ZNF534: variants seen among roughly 807,000 people sequenced by gnomAD.
ZNF534 encodes zinc finger protein 534.
Under a neutral mutation model 13.6 loss-of-function variants are expected in ZNF534, and 19 were observed. The ratio of observed to expected loss-of-function variants is 1.40; its 90% confidence interval spans 0.97 to 2.05. The LOEUF (loss-of-function observed/expected upper bound fraction) is 2.05, where lower values mean the gene tolerates loss of function less well. Ranked by LOEUF, ZNF534 falls within the 30% of genes most tolerant of loss-of-function variation. ZNF534 has a pLI of 0.00. For missense variants in ZNF534, 782 were observed against 796.3 expected (o/e 0.98, Z 0.22); for synonymous variants, 244 against 273.8 (o/e 0.89, Z 1.07).
rs114503758 is a variant in ZNF534 at position 52,441,632 on chromosome 19, A to C, written c.*2186A>C. On this transcript the variant is annotated 3_prime_UTR_variant, in exon 5 of 5. Transcript: ENST00000433050. The stretch of plus-strand genomic sequence containing the variant: ...GCAGCGAATGTGACAAAGCATTTAG[A>C]TAATGTTCAGGCTTTACTGCCCATC... 3.3e-3 allele frequency among the ~76,000 whole-genome samples: 505 copies of C among 152,364 alleles called. 2 individuals are homozygous for C. Among genetic ancestry groups the C allele is most frequent in the African/African-American group, 0.012 (487 of 41,586 alleles).
At chr19:52,450,541 T>G (rs2122731996) in intron 4 of ZNF534, among the ~76,000 whole-genome samples, 1 of 152,232 alleles carries the variant, frequency 6.6e-6, no homozygotes, top group East Asian at 1.9e-4. Context: ...AGTAGCAAGC[T>G]GTTTTGGATA....
intron 4 of ZNF534, among the ~76,000 whole-genome samples, chr19:52,435,530 T>C (rs1021649885): frequency 6.6e-6 from 1 of 151,944 alleles, no homozygotes; most frequent in Non-Finnish European, 1.5e-5. Context: ...TGAGATAGCG[T>C]CTCTCTCCTG....
Position 52,438,943 on chromosome 19 carries a change from AAATGT to A in ZNF534, c.1488_1492del (p.Cys496Ter), listed in dbSNP as rs540005939. On this transcript the variant is annotated frameshift_variant, in exon 5 of 5. Coordinates refer to ENST00000433050, the MANE Select transcript of ZNF534 (RefSeq NM_001143938.3). LOFTEE classifies it low-confidence loss of function (END_TRUNC). ...AATTCATACTGGAGAGAAGCTTTACAAATGTAATGAATGTGGCAAGGTCTTCCGTC... is the reference window on the plus strand; with the variant it reads ...AATTCATACTGGAGAGAAGCTTTACAAATGAATGTGGCAAGGTCTTCCGTC... 2.5e-4 allele frequency: 398 copies of A among 1,596,380 alleles called. No homozygotes were observed. The African/African-American group carries it at 4.6e-3, about 18-fold the overall frequency.
At chr19:52,432,899 G>T (rs1368624342) in intron 2 of ZNF534, among the ~76,000 whole-genome samples, 5 of 151,938 alleles carry the variant, frequency 3.3e-5, no homozygotes, top group Non-Finnish European at 2.9e-5. Flanking sequence ...CAAAGTGCTG[G>T]GATTACAGGT....
intron 4 of ZNF534, 80 bp downstream of exon 4, chr19:52,435,289 A>T: frequency 6.9e-7 from 1 of 1,448,900 alleles, no homozygotes; most frequent in Non-Finnish European, 9.2e-7. Context: ...TCCAGGCTGG[A>T]GTACAGTGGC....
chr19:52,438,796 G>A lies in ZNF534; in HGVS notation c.1336G>A (p.Val446Ile). The A allele has an allele frequency of 6.2e-7, 1 of 1,610,094 alleles. No individual in the cohort carries two copies. Among genetic ancestry groups the A allele is most frequent in the Non-Finnish European group, 8.5e-7 (1 of 1,177,982 alleles). Residue 446 changes from valine (V) to isoleucine (I), a missense_variant, in exon 5 of 5, where the codon GTC becomes ATC. By Grantham distance (29) the Val-to-Ile change is conservative. Transcript: ENST00000433050. ...TTACGAATGTATAGACTGTGGCAAG[G>A]TCTTCAGGCACAAGTCTTCCCTAAC... ...KPYECIDCGKVFRHKSSLTYH... is the reference protein window; with the variant it reads ...KPYECIDCGKIFRHKSSLTYH...
intron 4 of ZNF534, among the ~76,000 whole-genome samples, chr19:52,436,517 T>G (rs931886722): frequency 1.3e-5 from 2 of 152,234 alleles, no homozygotes; most frequent in African/African-American, 4.8e-5. Flanking sequence ...TTAACATTAT[T>G]TCTTCAGTTG....
In ZNF534 at chr19:52,440,570, C is replaced by T. The variant is rs2059165358; in HGVS notation, c.*1124C>T. On this transcript the variant is annotated 3_prime_UTR_variant, in exon 5 of 5. Coordinates refer to ENST00000433050, the MANE Select transcript of ZNF534 (RefSeq NM_001143938.3). ...CTGAGGCAGACGGATCAGTTGAGGTCAGGAGTTTGAGACCAGCCTGACCAA... is the reference window on the plus strand; with the variant it reads ...CTGAGGCAGACGGATCAGTTGAGGTTAGGAGTTTGAGACCAGCCTGACCAA... Among the ~76,000 whole-genome samples, 1 of 152,012 alleles carries T rather than the reference C, an allele frequency of 6.6e-6. No homozygotes were observed. Among genetic ancestry groups the T allele is most frequent in the Non-Finnish European group, 1.5e-5 (1 of 67,992 alleles).
At chr19:52,436,806 C>G (rs1010379808) in intron 4 of ZNF534, among the ~76,000 whole-genome samples, 4 of 152,048 alleles carry the variant, frequency 2.6e-5, no homozygotes, top group African/African-American at 9.7e-5. Flanking sequence ...ATGATTTCCC[C>G]TGTGTTTGTT....
intron 3 of ZNF534, 92 bp downstream of exon 3, chr19:52,434,173 T>C: frequency 6.6e-7 from 1 of 1,524,438 alleles, no homozygotes; most frequent in South Asian, 1.3e-5. Flanking sequence ...CCTGCATTGC[T>C]TGACTGAGAT....
chr19:52,438,149 C>T lies in ZNF534; in HGVS notation c.689C>T (p.Ala230Val), dbSNP rs1555747328. 2 of 1,614,032 alleles carry T rather than the reference C, an allele frequency of 1.2e-6. No homozygotes were observed. Among genetic ancestry groups the T allele is most frequent in the Non-Finnish European group, 1.7e-6 (2 of 1,179,960 alleles). The change falls in exon 5 of 5, where the codon GCA (alanine) becomes GTA (valine). Residue 230 changes from alanine (A) to valine (V), a missense_variant. Coordinates refer to ENST00000433050, the MANE Select transcript of ZNF534 (RefSeq NM_001143938.3). ...GEIFSSNSNF[A>V]QHQRIHTGEK... ...ATCTTTAGTAGCAATTCAAACTTTGCACAACATCAACGAATCCATACTGGA... is the reference window on the plus strand; with the variant it reads ...ATCTTTAGTAGCAATTCAAACTTTGTACAACATCAACGAATCCATACTGGA...
At position 52,436,386 on chromosome 19, in the gene ZNF534, T is replaced by G. The variant is rs181596333; in HGVS notation, c.271+1177T>G. 3.4e-4 allele frequency among the ~76,000 whole-genome samples: 52 copies of G among 152,332 alleles called. 2 individuals are homozygous for G. In the South Asian group the frequency reaches 6.6e-3, roughly 19 times the overall value. ...TGCTATCAAACTTTGTCTCTGTCTC[T>G]CTTTGACTTTTGATAATTTCCTTAT... On this transcript the variant is annotated intron_variant, in intron 4 of 4. Coordinates refer to ENST00000433050, the MANE Select transcript of ZNF534 (RefSeq NM_001143938.3).
chr19:52,432,173 G>T (rs917246645), intron 2 of ZNF534, among the ~76,000 whole-genome samples: 1 of 151,740 alleles, frequency 6.6e-6, no homozygotes, highest in Non-Finnish European at 1.5e-5. Context: ...GCTATAAGAG[G>T]CAATGAGGCA....
rs1231570065 is a variant in ZNF534 at position 52,437,923 on chromosome 19, G to A, written c.463G>A (p.Val155Ile). ...ACCAGTTCAAATAAGTTTTTTCAGT[G>A]TCAAAACCCATATTTTTAATAACTA... is the stretch of plus-strand genomic sequence containing the variant. Reference protein sequence around the residue: ...VSPVQISFFSVKTHIFNNYRN... With the variant: ...VSPVQISFFSIKTHIFNNYRN... Residue 155 changes from valine (V) to isoleucine (I), a missense_variant, in exon 5 of 5, where the codon GTC (valine) becomes ATC (isoleucine). Val to Ile is a conservative substitution (Grantham distance 29). Around this residue, in one of 5 missense-constraint regions of ZNF534, gnomAD observed 591 missense variants for 574.0 expected, o/e 1.03. Transcript: ENST00000433050. 5.0e-6 allele frequency: 8 copies of A among 1,612,444 alleles called. No individual in the cohort carries two copies. Among genetic ancestry groups the A allele is most frequent in the Non-Finnish European group, 6.8e-6 (8 of 1,179,444 alleles).
chr19:52,431,125 A>G (rs2059084407), intron 1 of ZNF534, among the ~76,000 whole-genome samples: 1 of 152,184 alleles, frequency 6.6e-6, no homozygotes, highest in Admixed American at 6.6e-5. Context: ...TGCTAGGATT[A>G]TAGGTGGGAG....
At chr19:52,430,799 G>T (rs544714477) in intron 1 of ZNF534, among the ~76,000 whole-genome samples, 8 of 151,568 alleles carry the variant, frequency 5.3e-5, no homozygotes, top group South Asian at 4.2e-4. Flanking sequence ...ACCTGCCTTG[G>T]CCTCTCAAAG....
chr19:52,442,509 C>T (rs1343786194), downstream of ZNF534, among the ~76,000 whole-genome samples: 3 of 152,368 alleles, frequency 2.0e-5, no homozygotes, highest in Non-Finnish European at 1.5e-5. Context: ...GTTCATGGCT[C>T]TCAGCTCTGA....
chr19:52,444,538 G>T (rs964988500), downstream of ZNF534, among the ~76,000 whole-genome samples: 6 of 152,082 alleles, frequency 3.9e-5, no homozygotes, highest in Non-Finnish European at 5.9e-5. Flanking sequence ...GGGAGGATTA[G>T]GTGGGGGCAG....
chr19:52,447,508 C>G (rs957210273), intron 4 of ZNF534, among the ~76,000 whole-genome samples: 1 of 152,060 alleles, frequency 6.6e-6, no homozygotes, highest in African/African-American at 2.4e-5. Flanking sequence ...GACATTTTCC[C>G]TAAGGTATGT....
Sources: gnomAD v4.1 joint callset for allele counts (sites outside exome capture counted in the v4.1 genomes callset) on GRCh38, gnomAD v4.1.1 for gene constraint, gnomAD v4.1.1 regional missense constraint, MANE v1.5 for transcripts, NCBI Gene and HGNC (gene_info 2026-07-23, HGNC 2026-07-21) for gene names.